Variants in NAALADL2 observed in about 807,000 individuals in gnomAD.
NAALADL2 encodes the protein N-acetylated alpha-linked acidic dipeptidase like 2, also known as inactive N-acetylated-alpha-linked acidic dipeptidase-like protein 2.
NAALADL2 carries 76 observed loss-of-function variants against 87.2 expected under a neutral mutation model. The observed-to-expected ratio is 0.87, with a 90% CI of 0.72 to 1.05. NAALADL2 has a LOEUF of 1.05. Among genes scored for constraint, NAALADL2 ranks in the 50% least tolerant of loss-of-function variants. The pLI, the probability that NAALADL2 is intolerant of heterozygous loss-of-function variation, is 0.00. For synonymous variants in NAALADL2, 354 were observed against 331.0 expected (o/e 1.07, Z -0.75); for missense variants, 1,089 against 945.8 (o/e 1.15, Z -1.99).
At chr3:174,805,944 G>T (rs887468925) in intron 3 of NAALADL2, among the ~76,000 whole-genome samples, 14 of 152,206 alleles carry the variant, frequency 9.2e-5, no homozygotes, top group South Asian at 6.2e-4. Flanking sequence ...TTTTTAAAGA[G>T]ATTAAGCTAA....
At chr3:175,618,523 T>G (rs1184024429) in intron 10 of NAALADL2, among the ~76,000 whole-genome samples, 1 of 152,082 alleles carries the variant, frequency 6.6e-6, no homozygotes, top group Non-Finnish European at 1.5e-5. Flanking sequence ...ATTTTTTTCC[T>G]CTAGGGTCTG....
At chr3:174,970,599 A>G (rs1743492932) in intron 1 of NAALADL2, among the ~76,000 whole-genome samples, 1 of 152,210 alleles carries the variant, frequency 6.6e-6, no homozygotes, top group Non-Finnish European at 1.5e-5. Context: ...ATGACATTAT[A>G]AAGAAGAGAC....
intron 2 of NAALADL2, among the ~76,000 whole-genome samples, chr3:174,703,409 C>T (rs191800810): frequency 7.9e-5 from 12 of 150,980 alleles, no homozygotes; most frequent in Non-Finnish European, 1.8e-4. Context: ...AGGTGAGGAG[C>T]AGCAATATTT....
At chr3:174,626,286 C>T (rs566602825) in intron 2 of NAALADL2, among the ~76,000 whole-genome samples, 6 of 152,018 alleles carry the variant, frequency 3.9e-5, no homozygotes, top group African/African-American at 1.4e-4. Context: ...ATTTTTTTCA[C>T]ACCCTCAATA....
At chr3:175,123,323 C>T (rs1035314454) in intron 2 of NAALADL2, among the ~76,000 whole-genome samples, 57 of 151,896 alleles carry the variant, frequency 3.8e-4, no homozygotes, top group African/African-American at 1.2e-3. Context: ...AGGACATGTA[C>T]GGATGGTGGT....
chr3:175,089,072 T>A (rs1421945476), intron 1 of NAALADL2, among the ~76,000 whole-genome samples: 2 of 151,878 alleles, frequency 1.3e-5, no homozygotes, highest in African/African-American at 4.8e-5. Flanking sequence ...AAAGTAGAGG[T>A]TGTGGTCTTT....
At chr3:175,372,495 C>G (rs540076843) in intron 5 of NAALADL2, among the ~76,000 whole-genome samples, 38 of 152,302 alleles carry the variant, frequency 2.5e-4, no homozygotes, top group African/African-American at 9.1e-4. Flanking sequence ...GACCCAAGCT[C>G]TCTGTCTTTT....
At chr3:174,624,676 T>C (rs1186332740) in intron 2 of NAALADL2, among the ~76,000 whole-genome samples, 1 of 151,882 alleles carries the variant, frequency 6.6e-6, no homozygotes, top group African/African-American at 2.4e-5. Context: ...TGTGATCTTA[T>C]GTCAAAAACT....
intron 2 of NAALADL2, among the ~76,000 whole-genome samples, chr3:175,227,989 A>G (rs886393237): frequency 2.0e-5 from 3 of 151,978 alleles, no homozygotes; most frequent in Non-Finnish European, 4.4e-5. Flanking sequence ...ACTATTTGAA[A>G]TATTGCCACT....
At chr3:174,743,668 A>G (rs113929785) in intron 3 of NAALADL2, among the ~76,000 whole-genome samples, 1 of 151,764 alleles carries the variant, frequency 6.6e-6, no homozygotes, top group Non-Finnish European at 1.5e-5. Context: ...ATTATCCTCA[A>G]TGTATTTCCA....
chr3:174,920,101 G>T (rs1264063134), intron 1 of NAALADL2, among the ~76,000 whole-genome samples: 1 of 152,118 alleles, frequency 6.6e-6, no homozygotes, highest in Non-Finnish European at 1.5e-5. Context: ...GACTCAATTT[G>T]CAGTATTCAT....
chr3:175,489,686 T>G (rs2149340875), intron 9 of NAALADL2, among the ~76,000 whole-genome samples: 1 of 152,318 alleles, frequency 6.6e-6, no homozygotes, highest in African/African-American at 2.4e-5. Context: ...TGCATGCTAT[T>G]AATTTTTAGA....
chr3:175,336,847 A>G (rs1228981332), intron 5 of NAALADL2, among the ~76,000 whole-genome samples: 1 of 152,188 alleles, frequency 6.6e-6, no homozygotes, highest in Admixed American at 6.5e-5. Context: ...AGCCTTCTCT[A>G]ACCAGTCCCT....
At chr3:175,314,658 A>C (rs1758822194) in intron 4 of NAALADL2, among the ~76,000 whole-genome samples, 1 of 95,314 alleles carries the variant, frequency 1.0e-5, no homozygotes, top group Non-Finnish European at 2.1e-5. Context: ...TAGTATATAT[A>C]GTTCTAACTA....
At chr3:174,466,351 C>T (rs1716535457) in intron 1 of NAALADL2, among the ~76,000 whole-genome samples, 1 of 145,426 alleles carries the variant, frequency 6.9e-6, no homozygotes, top group South Asian at 2.2e-4. Context: ...AATTCTTCTT[C>T]TTCCAGTGTG....
At chr3:174,703,717 G>T (rs1413196589) in intron 2 of NAALADL2, among the ~76,000 whole-genome samples, 1 of 152,052 alleles carries the variant, frequency 6.6e-6, no homozygotes, top group Non-Finnish European at 1.5e-5. Context: ...ACCTCGTTAA[G>T]GTACAGTGCT....
At chr3:174,538,870 ATG>A (rs1438649575) in intron 1 of NAALADL2, among the ~76,000 whole-genome samples, 1 of 152,152 alleles carries the variant, frequency 6.6e-6, no homozygotes, top group Non-Finnish European at 1.5e-5. Flanking sequence ...GACTGCACCA[ATG>A]TACATCTTAG....
intron 2 of NAALADL2, among the ~76,000 whole-genome samples, chr3:175,162,623 A>G (rs768520687): frequency 1.3e-5 from 2 of 152,128 alleles, no homozygotes; most frequent in Non-Finnish European, 2.9e-5. Flanking sequence ...ACTGTTTGCA[A>G]ACTCTCTAAA....
chr3:175,709,816 CA>C (rs1245312695), intron 11 of NAALADL2, among the ~76,000 whole-genome samples: 4 of 152,092 alleles, frequency 2.6e-5, no homozygotes, highest in Non-Finnish European at 4.4e-5. Flanking sequence ...TATATTGTGC[CA>C]AAGCCTGGCT....
Sources: allele counts gnomAD v4.1 joint callset (sites outside exome capture counted in the v4.1 genomes callset), GRCh38; gene constraint gnomAD v4.1.1; transcripts MANE v1.5; gene names NCBI Gene and HGNC (gene_info 2026-07-23, HGNC 2026-07-21).